The following GLCE variants were observed in gnomAD, a reference collection of about 807,000 sequenced individuals.
GLCE encodes glucuronic acid epimerase.
A neutral mutation model predicts 47.9 loss-of-function variants in GLCE; 19 were observed. The observed-to-expected ratio is 0.40, with a 90% CI of 0.28 to 0.58. GLCE has a LOEUF of 0.58. Among genes scored for constraint, GLCE ranks in the 20% least tolerant of loss-of-function variants. GLCE has a pLI of 0.48. For missense variants in GLCE, 556 were observed against 743.3 expected (o/e 0.75, Z 2.93); for synonymous variants, 245 against 263.4 (o/e 0.93, Z 0.68).
At chr15:69,225,411 A>G (rs1566961383) in intron 2 of GLCE, among the ~76,000 whole-genome samples, 1 of 152,326 alleles carries the variant, frequency 6.6e-6, no homozygotes, top group East Asian at 1.9e-4. Context: ...ATGGTCTTAT[A>G]TCATAGTCTA....
chr15:69,224,668 G>T (rs1332912263), intron 2 of GLCE, among the ~76,000 whole-genome samples: 1 of 152,224 alleles, frequency 6.6e-6, no homozygotes, highest in East Asian at 1.9e-4. Context: ...CCTGCAAGCT[G>T]AGTACAAACT....
intron 1 of GLCE, among the ~76,000 whole-genome samples, chr15:69,172,669 A>G (rs549756076): frequency 2.0e-5 from 3 of 152,332 alleles, no homozygotes; most frequent in East Asian, 3.9e-4. Flanking sequence ...TGGATTAGTA[A>G]TTGCTTAAAT....
chr15:69,200,688 A>C (rs1312303592), intron 1 of GLCE, among the ~76,000 whole-genome samples: 1 of 152,120 alleles, frequency 6.6e-6, no homozygotes, highest in East Asian at 1.9e-4. Flanking sequence ...GAAAAGCTAT[A>C]TATTTGGGTT....
At chr15:69,251,827 T>C (rs1211571362) in intron 2 of GLCE, among the ~76,000 whole-genome samples, 1 of 152,214 alleles carries the variant, frequency 6.6e-6, no homozygotes, top group Non-Finnish European at 1.5e-5. Context: ...GACTGATTCC[T>C]GTGTCTTTTT....
intron 1 of GLCE, among the ~76,000 whole-genome samples, chr15:69,187,558 C>T (rs2051842444): frequency 6.6e-6 from 1 of 152,090 alleles, no homozygotes; most frequent in South Asian, 2.1e-4. Context: ...TTTTTCATAC[C>T]TGCTTTCATT....
intron 1 of GLCE, among the ~76,000 whole-genome samples, chr15:69,177,440 T>C (rs1325721363): frequency 3.9e-5 from 6 of 152,094 alleles, no homozygotes; most frequent in Admixed American, 2.6e-4. Flanking sequence ...TTTAAAACAA[T>C]AGTACAATAT....
chr15:69,197,037 C>A, intron 1 of GLCE: 1 of 320,674 alleles, frequency 3.1e-6, no homozygotes, highest in South Asian at 3.0e-5. Context: ...TTTCTGAGTT[C>A]CAGCAAAACC....
Position 69,227,130 on chromosome 15 carries a change from G to A in GLCE, c.-14+16724G>A, listed in dbSNP as rs192537775. Among the ~76,000 whole-genome samples, 11 of 152,200 alleles carry A rather than the reference G, an allele frequency of 7.2e-5. No homozygotes were observed. In the East Asian group the frequency reaches 1.4e-3, roughly 19 times the overall value. ...TGTGTATAAAATATATATAATTATT[G>A]CCTAACTAAATCAAGGATGATTTAT... is the stretch of plus-strand genomic sequence containing the variant. On this transcript the variant is annotated intron_variant, in intron 2 of 4. Coordinates refer to ENST00000261858, the MANE Select transcript of GLCE (RefSeq NM_015554.3).
chr15:69,191,646 CA>C, intron 1 of GLCE, among the ~76,000 whole-genome samples: 1 of 152,270 alleles, frequency 6.6e-6, no homozygotes, highest in Non-Finnish European at 1.5e-5. Context: ...TAGCATGTAG[CA>C]AAATTCCAGT....
intron 2 of GLCE, among the ~76,000 whole-genome samples, chr15:69,232,292 A>G (rs551901480): frequency 6.6e-6 from 1 of 152,338 alleles, no homozygotes; most frequent in Admixed American, 6.5e-5. Flanking sequence ...TTTCTAACAT[A>G]TAGTGCTGAT....
intron 1 of GLCE, among the ~76,000 whole-genome samples, chr15:69,171,420 G>A (rs1193954242): frequency 6.7e-6 from 1 of 148,482 alleles, no homozygotes; most frequent in Non-Finnish European, 1.5e-5. Flanking sequence ...TTTTTGAGAT[G>A]GAGTCTCGCA....
intron 2 of GLCE, among the ~76,000 whole-genome samples, chr15:69,218,824 A>G (rs1291712502): frequency 2.0e-5 from 3 of 152,200 alleles, no homozygotes; most frequent in Admixed American, 2.0e-4. Context: ...TGAATCAGAA[A>G]TAATGCACAT....
intron 1 of GLCE, among the ~76,000 whole-genome samples, chr15:69,165,029 T>C: frequency 6.6e-6 from 1 of 152,216 alleles, no homozygotes; most frequent in East Asian, 1.9e-4. Context: ...TTCTCTTTTC[T>C]TTCTCTTTCT....
chr15:69,212,017 A>G (rs541875673), intron 2 of GLCE, among the ~76,000 whole-genome samples: 1 of 152,104 alleles, frequency 6.6e-6, no homozygotes, highest in South Asian at 2.1e-4. Context: ...CACATTTTAT[A>G]TTTAAATCAG....
chr15:69,255,705 A>C, intron 2 of GLCE, 89 bp from the exon 3 acceptor site: 1 of 781,940 alleles, frequency 1.3e-6, no homozygotes, highest in Non-Finnish European at 2.0e-6. Flanking sequence ...GTTGTTCAAC[A>C]TTAAAAAAAA....
At chr15:69,237,471 A>G (rs1388771733) in intron 2 of GLCE, among the ~76,000 whole-genome samples, 1 of 151,908 alleles carries the variant, frequency 6.6e-6, no homozygotes, top group Non-Finnish European at 1.5e-5. Context: ...GGTGGCGCAC[A>G]CCTGTAATCC....
intron 2 of GLCE, among the ~76,000 whole-genome samples, chr15:69,217,590 G>A (rs983146481): frequency 6.6e-6 from 1 of 152,032 alleles, no homozygotes; most frequent in African/African-American, 2.4e-5. Context: ...ATAATAAAGT[G>A]GCACCTGCTA....
chr15:69,259,688 A>T (rs1369933226), intron 3 of GLCE, among the ~76,000 whole-genome samples: 1 of 152,178 alleles, frequency 6.6e-6, no homozygotes, highest in East Asian at 1.9e-4. Flanking sequence ...GATCAGTCCC[A>T]GTTCTTGTGC....
chr15:69,226,133 G>C (rs1330773594), intron 2 of GLCE, among the ~76,000 whole-genome samples: 1 of 151,850 alleles, frequency 6.6e-6, no homozygotes, highest in Non-Finnish European at 1.5e-5. Context: ...GACCATCTTG[G>C]GATCATGGCG....
Sources: gnomAD v4.1 joint callset for allele counts (sites outside exome capture counted in the v4.1 genomes callset) on GRCh38, gnomAD v4.1.1 for gene constraint, MANE v1.5 for transcripts, NCBI Gene and HGNC (gene_info 2026-07-23, HGNC 2026-07-21) for gene names.